Variants in RAB3GAP2 observed in about 807,000 individuals in gnomAD.
RAB3GAP2 encodes the protein RAB3 GTPase activating non-catalytic protein subunit 2, also known as rab3 GTPase-activating protein non-catalytic subunit.
RAB3GAP2 carries 87 observed loss-of-function variants against 185.3 expected under a neutral mutation model. That is an observed-to-expected ratio of 0.47 (90% CI 0.39 to 0.56). The LOEUF is 0.56. Ranked by LOEUF, RAB3GAP2 falls within the 20% of genes least tolerant of loss-of-function variation. The pLI, the probability that RAB3GAP2 is intolerant of heterozygous loss-of-function variation, is 0.00. For missense variants in RAB3GAP2, 1,492 were observed against 1,638.2 expected (o/e 0.91, Z 1.54); for synonymous variants, 554 against 576.1 (o/e 0.96, Z 0.55).
At chr1:220,223,465 A>C (rs1464782462) in intron 2 of RAB3GAP2, among the ~76,000 whole-genome samples, 3 of 152,204 alleles carry the variant, frequency 2.0e-5, no homozygotes, top group Admixed American at 1.3e-4. Flanking sequence ...TAAGTGAAAA[A>C]CATATGAAAG....
rs144263040 is a variant in RAB3GAP2, at chr1:220,210,846, G to A, written c.465C>T (p.Cys155=). ...RSSTGRPDWT[C]IVVGFTSGYV... is the part of the protein sequence containing the mutation. ...AACCTGAAGTAAAACCCACCACAATGCAGGTCCAGTCAGGACGCCCAGTGG... is the reference window on the plus strand; with the variant it reads ...AACCTGAAGTAAAACCCACCACAATACAGGTCCAGTCAGGACGCCCAGTGG... Residue 155 remains cysteine (C), a synonymous_variant, in exon 6 of 35, where the codon TGC becomes TGT. Coordinates refer to ENST00000358951, the MANE Select transcript of RAB3GAP2 (RefSeq NM_012414.4). The A allele has an allele frequency of 2.2e-4, 348 of 1,613,808 alleles. No homozygotes were observed. Among genetic ancestry groups the A allele is most frequent in the Non-Finnish European group, 2.7e-4 (318 of 1,179,872 alleles).
chr1:220,153,425 GAT>G lies in RAB3GAP2; in HGVS notation c.3646-21_3646-20del, dbSNP rs761417331. On this transcript the variant is annotated intron_variant, in intron 32 of 34. Coordinates refer to ENST00000358951, the MANE Select transcript of RAB3GAP2 (RefSeq NM_012414.4). Reference sequence around the variant, plus strand: ...ATAAGAACTTGAAAATGGAGAAAGAGATAGAGCAATGCATTGTTACTGTTTCA... The same window carrying G: ...ATAAGAACTTGAAAATGGAGAAAGAGAGAGCAATGCATTGTTACTGTTTCA... 1 of 1,599,044 alleles carries G rather than the reference GAT, an allele frequency of 6.3e-7. No individual in the cohort carries two copies. The highest frequency in any genetic ancestry group is 2.2e-5 in the East Asian group (1 of 44,834).
At chr1:220,253,587 C>T in intron 1 of RAB3GAP2, 1 of 1,580,784 alleles carries the variant, frequency 6.3e-7, no homozygotes, top group Non-Finnish European at 8.7e-7. Context: ...GGAAGCAGGA[C>T]CCGAAGCCTA....
chr1:220,213,558 G>C (rs1287810956), intron 3 of RAB3GAP2, among the ~76,000 whole-genome samples: 2 of 151,664 alleles, frequency 1.3e-5, no homozygotes, highest in African/African-American at 2.4e-5. Context: ...GACCTTTTTA[G>C]CTCTGACTGT....
chr1:220,217,577 A>G (rs1421549207), intron 2 of RAB3GAP2, among the ~76,000 whole-genome samples: 1 of 152,094 alleles, frequency 6.6e-6, no homozygotes, highest in East Asian at 1.9e-4. Context: ...ACACTAGATG[A>G]GACGCCCTCT....
chr1:220,211,985 A>T (rs571048905), intron 4 of RAB3GAP2, among the ~76,000 whole-genome samples: 1 of 152,178 alleles, frequency 6.6e-6, no homozygotes, highest in Non-Finnish European at 1.5e-5. Context: ...ATCTGAATTC[A>T]AAGTATGAAG....
intron 33 of RAB3GAP2, 89 bp from the exon 34 acceptor site, chr1:220,151,853 AGTT>A: frequency 7.3e-7 from 1 of 1,377,336 alleles, no homozygotes; most frequent in Admixed American, 1.8e-5. Flanking sequence ...AAGAGATTCT[AGTT>A]GATTTTTGAA....
At chr1:220,193,153 C>A in intron 13 of RAB3GAP2, 87 bp downstream of exon 13, 1 of 1,508,426 alleles carries the variant, frequency 6.6e-7, no homozygotes, top group Non-Finnish European at 9.2e-7. Flanking sequence ...ACAGAGTTAT[C>A]ATCCAGAAGC....
At chr1:220,188,651 G>C (rs1259444224) in intron 17 of RAB3GAP2, among the ~76,000 whole-genome samples, 3 of 152,210 alleles carry the variant, frequency 2.0e-5, no homozygotes, top group Non-Finnish European at 4.4e-5. Flanking sequence ...AACTAGTACA[G>C]TTGAAGAAGC....
intron 1 of RAB3GAP2, among the ~76,000 whole-genome samples, chr1:220,264,995 G>A (rs1660204496): frequency 6.6e-6 from 1 of 152,028 alleles, no homozygotes; most frequent in Admixed American, 6.6e-5. Context: ...CTACCTGAAT[G>A]AAGAAACTGA....
intron 10 of RAB3GAP2, 53 bp from the exon 11 acceptor site, chr1:220,195,430 A>G: frequency 7.0e-7 from 1 of 1,438,450 alleles, no homozygotes. Context: ...AAAGAAACAA[A>G]CATACTTTCT....
At chr1:220,171,811 G>A (rs560096968) in intron 23 of RAB3GAP2, 78 bp downstream of exon 23, 102 of 1,584,348 alleles carry the variant, frequency 6.4e-5, no homozygotes, top group East Asian at 1.6e-4. Context: ...AAAACCCCCC[G>A]AAAAACCCCA....
chr1:220,250,193 CA>C (rs1047101002), intron 1 of RAB3GAP2, among the ~76,000 whole-genome samples: 2 of 152,294 alleles, frequency 1.3e-5, no homozygotes, highest in African/African-American at 2.4e-5. Flanking sequence ...TGCAAAGCCA[CA>C]GGGGGGGAGC....
At chr1:220,198,190 AAATCT>A (rs1269414084) in intron 9 of RAB3GAP2, among the ~76,000 whole-genome samples, 1 of 152,160 alleles carries the variant, frequency 6.6e-6, no homozygotes, top group Non-Finnish European at 1.5e-5. Context: ...TCCTCTGGCT[AAATCT>A]TAATCTTGGT....
At chr1:220,236,864 A>C (rs11118508) in intron 1 of RAB3GAP2, among the ~76,000 whole-genome samples, 35,774 of 152,004 alleles carry the variant, frequency 0.24, 4,499 homozygotes, top group East Asian at 0.34. Context: ...TAGCCAAAGC[A>C]ATGTTCAACA....
intron 1 of RAB3GAP2, among the ~76,000 whole-genome samples, chr1:220,252,152 GAAAAAAA>G (rs58516168): frequency 7.3e-5 from 7 of 96,020 alleles, no homozygotes; most frequent in East Asian, 3.2e-4. Context: ...CTCAAAAAAA[GAAAAAAA>G]AAAAAAAAAA....
intron 2 of RAB3GAP2, among the ~76,000 whole-genome samples, chr1:220,226,530 A>C (rs1446677742): frequency 6.6e-6 from 1 of 151,976 alleles, no homozygotes; most frequent in Non-Finnish European, 1.5e-5. Flanking sequence ...CAAGCCAGCC[A>C]CTATCTTGTC....
At chr1:220,223,071 C>T (rs1659337064) in intron 2 of RAB3GAP2, among the ~76,000 whole-genome samples, 1 of 152,176 alleles carries the variant, frequency 6.6e-6, no homozygotes, top group Non-Finnish European at 1.5e-5. Flanking sequence ...GAGTCAGCGT[C>T]TCGCTCTGAC....
At chr1:220,243,483 G>A (rs1659738436) in intron 1 of RAB3GAP2, among the ~76,000 whole-genome samples, 1 of 152,136 alleles carries the variant, frequency 6.6e-6, no homozygotes, top group Non-Finnish European at 1.5e-5. Context: ...AAATTTCTGA[G>A]GCAAATGGAG....
Sources: gnomAD v4.1 joint callset for allele counts (sites outside exome capture counted in the v4.1 genomes callset) on GRCh38, gnomAD v4.1.1 for gene constraint, MANE v1.5 for transcripts, NCBI Gene and HGNC (gene_info 2026-07-23, HGNC 2026-07-21) for gene names.